The following ZNF660 variants were observed in gnomAD, a reference collection of about 807,000 sequenced individuals.
The protein encoded by ZNF660 is zinc finger protein 660.
A neutral mutation model predicts 23.2 loss-of-function variants in ZNF660; 24 were observed. That is an observed-to-expected ratio of 1.04 (90% CI 0.75 to 1.46). The LOEUF is 1.46. Ranked by LOEUF, ZNF660 falls within the 40% of genes most tolerant of loss-of-function variation. ZNF660 has a pLI of 0.00. For synonymous variants in ZNF660, 117 were observed against 131.4 expected, an observed-to-expected ratio of 0.89 and a Z score of 0.75; for missense variants, 373 against 396.8, an observed-to-expected ratio of 0.94 and a Z score of 0.51.
chr3:44,587,460 G>A (rs1206734600), intron 2 of ZNF660, among the ~76,000 whole-genome samples: 3 of 152,154 alleles, frequency 2.0e-5, no homozygotes, highest in Non-Finnish European at 4.4e-5. Context: ...TACCCCTAGT[G>A]TCCTACTGGC....
intron 2 of ZNF660, among the ~76,000 whole-genome samples, chr3:44,593,693 A>C (rs1229472662): frequency 4.2e-4 from 34 of 81,820 alleles, no homozygotes; most frequent in African/African-American, 1.5e-3. Context: ...CCATCTCAAA[A>C]AAAAAAAAAA....
intron 1 of ZNF660, among the ~76,000 whole-genome samples, chr3:44,585,390 G>A (rs1285608500): frequency 6.6e-6 from 1 of 152,198 alleles, no homozygotes; most frequent in Non-Finnish European, 1.5e-5. Flanking sequence ...GGAACCTGGG[G>A]CCCAGAGAAG....
At chr3:44,593,976 G>GA in intron 2 of ZNF660, 38 bp from the exon 3 acceptor site, 1 of 664,786 alleles carries the variant, frequency 1.5e-6, no homozygotes, top group Non-Finnish European at 2.8e-6. Flanking sequence ...CTGGTACAGA[G>GA]AATAGGTGAC....
At chr3:44,589,646 A>G (rs1216133740) in intron 2 of ZNF660, among the ~76,000 whole-genome samples, 1 of 152,228 alleles carries the variant, frequency 6.6e-6, no homozygotes, top group African/African-American at 2.4e-5. Context: ...ACAAAAAAGA[A>G]TATAGAATGG....
At chr3:44,585,431 C>G (rs1020299395) in intron 1 of ZNF660, among the ~76,000 whole-genome samples, 5 of 152,294 alleles carry the variant, frequency 3.3e-5, no homozygotes, top group Non-Finnish European at 5.9e-5. Context: ...GTTACTCATT[C>G]ATTCATTGAT....
At chr3:44,591,863 G>A (rs1009999341) in intron 2 of ZNF660, among the ~76,000 whole-genome samples, 1 of 152,206 alleles carries the variant, frequency 6.6e-6, no homozygotes, top group Non-Finnish European at 1.5e-5. Flanking sequence ...CAGGCGTGGT[G>A]GCAGACGCCT....
chr3:44,585,707 T>G (rs1318155953), intron 1 of ZNF660, among the ~76,000 whole-genome samples: 1 of 152,188 alleles, frequency 6.6e-6, no homozygotes, highest in African/African-American at 2.4e-5. Flanking sequence ...CTAAAGACAC[T>G]TGACTCAGCA....
chr3:44,594,846 A>G lies in ZNF660; in HGVS notation c.653A>G (p.Tyr218Cys). Residue 218 changes from tyrosine (Y) to cysteine (C), a missense_variant, in exon 3 of 3, where the codon TAT becomes TGT. By Grantham distance (194) the Tyr-to-Cys change is radical. Transcript: ENST00000322734. ...AGAATTCACACTGGAGAGAAGCCTT[A>G]TGAATGTGATGAGTGTGGAAAAACT... The part of the protein sequence containing the change: ...HQRIHTGEKP[Y>C]ECDECGKTFI... The G allele has an allele frequency of 1.2e-6, 2 of 1,614,198 alleles. No individual in the cohort carries two copies. Among genetic ancestry groups the G allele is most frequent in the African/African-American group, 2.7e-5 (2 of 75,072 alleles).
chr3:44,593,689 C>CAAA (rs397874775), intron 2 of ZNF660, among the ~76,000 whole-genome samples: 4 of 92,554 alleles, frequency 4.3e-5, no homozygotes, highest in African/African-American at 7.7e-5. Context: ...CACTCCATCT[C>CAAA]AAAAAAAAAA....
At chr3:44,589,452 T>C (rs1261082072) in intron 2 of ZNF660, among the ~76,000 whole-genome samples, 1 of 152,188 alleles carries the variant, frequency 6.6e-6, no homozygotes, top group Non-Finnish European at 1.5e-5. Context: ...TTACTCCCCA[T>C]GTGTTATCCC....
intron 2 of ZNF660, among the ~76,000 whole-genome samples, chr3:44,590,103 C>T (rs1436717455): frequency 6.6e-6 from 1 of 151,482 alleles, no homozygotes; most frequent in African/African-American, 2.4e-5. Context: ...TCATCTCCTG[C>T]TTGCATACAT....
chr3:44,585,851 G>A (rs1050616503), intron 1 of ZNF660, among the ~76,000 whole-genome samples: 7 of 152,166 alleles, frequency 4.6e-5, no homozygotes, highest in Admixed American at 6.5e-5. Flanking sequence ...CAGGTGAAAA[G>A]GGGAGGCTGT....
Position 44,594,714 on chromosome 3 carries a change from G to C in ZNF660, c.521G>C (p.Ser174Thr). Residue 174 changes from serine to threonine, a missense_variant, in exon 3 of 3, where the codon AGT becomes ACT. Physicochemically the swap from Ser to Thr is moderately conservative, Grantham distance 58. Coordinates refer to ENST00000322734, the MANE Select transcript of ZNF660 (RefSeq NM_173658.4). ...CIECGKAFSR[S>T]SNLTQHQRMH... is the part of the protein sequence containing the mutation. Reference sequence around the variant, plus strand: ...GAGTGTGGGAAAGCCTTTAGCCGTAGTTCAAACCTTACTCAACATCAGCGA... The same window carrying C: ...GAGTGTGGGAAAGCCTTTAGCCGTACTTCAAACCTTACTCAACATCAGCGA... 6.2e-7 allele frequency: 1 copy of C among 1,614,106 alleles called. No individual in the cohort carries two copies. The highest frequency in any genetic ancestry group is 8.5e-7 in the Non-Finnish European group (1 of 1,180,034).
rs140643396 is a variant in ZNF660, at chr3:44,587,828, C to T, written c.-181+1615C>T. 4.8e-3 allele frequency among the ~76,000 whole-genome samples: 731 copies of T among 152,172 alleles called. 10 individuals are homozygous for T. Among genetic ancestry groups the T allele is most frequent in the African/African-American group, 0.017 (693 of 41,530 alleles). ...CAGCACTTTGGGAGGCTGAGGTGGG[C>T]GGATCACCTGAGGTTGGGAGTTTGA... On this transcript the variant is annotated intron_variant, in intron 2 of 2. Transcript: ENST00000322734.
intron 1 of ZNF660, among the ~76,000 whole-genome samples, chr3:44,585,527 T>G (rs1325246037): frequency 2.0e-5 from 3 of 152,166 alleles, no homozygotes; most frequent in Non-Finnish European, 4.4e-5. Flanking sequence ...AACTAAATTC[T>G]AGTAGGGGAG....
In ZNF660 at chr3:44,596,344, T is replaced by C. The variant is rs1700608107; in HGVS notation, c.*1155T>C. 1 of 152,146 alleles carries C rather than the reference T, an allele frequency of 6.6e-6. No homozygotes were observed. Among genetic ancestry groups the C allele is most frequent in the Admixed American group, 6.5e-5 (1 of 15,272 alleles). The allele number at this position is 152,146 out of a possible 1,614,324, so 9.4% of individuals were successfully genotyped here. ...AAGGTTGTTGTGAGGATTAAGTGAG[T>C]AATGCATGAAATATATGATAAGCCA... On this transcript the variant is annotated 3_prime_UTR_variant, in exon 3 of 3. Coordinates refer to ENST00000322734, the MANE Select transcript of ZNF660 (RefSeq NM_173658.4).
At chr3:44,587,558 T>C (rs1700267320) in intron 2 of ZNF660, among the ~76,000 whole-genome samples, 1 of 152,218 alleles carries the variant, frequency 6.6e-6, no homozygotes, top group African/African-American at 2.4e-5. Flanking sequence ...TCTGAGGGCA[T>C]TTCCTATCCA....
intron 2 of ZNF660, 104 bp from the exon 3 acceptor site, chr3:44,593,910 A>T (rs1354792772): frequency 3.9e-6 from 2 of 512,926 alleles, no homozygotes; most frequent in African/African-American, 3.8e-5. Context: ...CTGCCCTTGA[A>T]CACTTAACCC....
rs1381244685 is a variant in ZNF660 at position 44,594,440 on chromosome 3, T to C, written c.247T>C (p.Cys83Arg). Residue 83 changes from cysteine (C) to arginine (R), a missense_variant, in exon 3 of 3, where the codon TGT becomes CGT. Physicochemically the swap from Cys to Arg is radical, Grantham distance 180. Coordinates refer to ENST00000322734, the MANE Select transcript of ZNF660 (RefSeq NM_173658.4). ...AGAGAAACCCTATAAGTGTAAGGAG[T>C]GTGGAAAAGCTTTCAGTCATAGCTC... ...TGEKPYKCKE[C>R]GKAFSHSSNL... 6.2e-7 allele frequency: 1 copy of C among 1,613,102 alleles called. No individual in the cohort carries two copies. The highest frequency in any genetic ancestry group is 1.3e-5 in the African/African-American group (1 of 74,528).
Sources: allele counts gnomAD v4.1 joint callset (sites outside exome capture counted in the v4.1 genomes callset), GRCh38; gene constraint gnomAD v4.1.1; transcripts MANE v1.5; gene names NCBI Gene and HGNC (gene_info 2026-07-23, HGNC 2026-07-21).